The following CACNA1A variants were observed in gnomAD, a reference collection of about 807,000 sequenced individuals.
CACNA1A encodes calcium voltage-gated channel subunit alpha1 A.
CACNA1A carries 57 observed loss-of-function variants against 262.4 expected under a neutral mutation model. The observed-to-expected ratio is 0.22, with a 90% CI of 0.18 to 0.27. The LOEUF (loss-of-function observed/expected upper bound fraction) is 0.27. Ranked by LOEUF, CACNA1A falls within the 10% of genes least tolerant of loss-of-function variation. The pLI is 1.00. For synonymous variants in CACNA1A, 1,431 were observed against 1,419.3 expected (o/e 1.01, Z -0.18); for missense variants, 2,526 against 3,562.8 (o/e 0.71, Z 7.41).
At chr19:13,363,140 C>T (rs536741564) in intron 5 of CACNA1A, 9 of 152,318 alleles carry the variant, frequency 5.9e-5, no homozygotes, top group African/African-American at 2.2e-4. Flanking sequence ...GCACCACCCA[C>T]ATCTGTCCCC....
At chr19:13,349,232 G>A (rs1456118359) in intron 6 of CACNA1A, among the ~76,000 whole-genome samples, 1 of 152,098 alleles carries the variant, frequency 6.6e-6, no homozygotes, top group Non-Finnish European at 1.5e-5. Context: ...CTGTTTTACG[G>A]ATCAAGACAC....
At chr19:13,346,167 G>A (rs149379501) in intron 6 of CACNA1A, among the ~76,000 whole-genome samples, 1,856 of 152,276 alleles carry the variant, frequency 0.012, 31 homozygotes, top group African/African-American at 0.042. Flanking sequence ...CTCCCAAAGT[G>A]CTGGGATTAC....
intron 1 of CACNA1A, among the ~76,000 whole-genome samples, chr19:13,496,067 TCCATCCATCCATCCATCCATCCAC>T (rs985642847): frequency 2.6e-4 from 38 of 147,684 alleles, no homozygotes; most frequent in African/African-American, 8.2e-4. Flanking sequence ...CATCCATCCA[TCCATCCATCCATCCATCCATCCAC>T]CCAGACATCC....
chr19:13,496,073 CAT>C (rs1981487547), intron 1 of CACNA1A, among the ~76,000 whole-genome samples: 4 of 148,190 alleles, frequency 2.7e-5, no homozygotes, highest in Non-Finnish European at 5.9e-5. Context: ...TCCATCCATC[CAT>C]CCATCCATCC....
At chr19:13,258,790 C>T (rs892073048) in intron 27 of CACNA1A, 4 of 151,936 alleles carry the variant, frequency 2.6e-5, no homozygotes, top group East Asian at 1.9e-4. Context: ...ATTACTTGGA[C>T]GAGGTGAGGG....
At chr19:13,393,519 TCCCTCCCTCCTTCCTTCCTC>T (rs2059747767) in intron 3 of CACNA1A, among the ~76,000 whole-genome samples, 2 of 140,636 alleles carry the variant, frequency 1.4e-5, no homozygotes, top group South Asian at 5.1e-4. Context: ...CTTCCTTCCT[TCCCTCCCTCCTTCCTTCCTC>T]GAAGCTGCAG....
chr19:13,282,143 C>T (rs879409013), intron 22 of CACNA1A, among the ~76,000 whole-genome samples: 2 of 152,210 alleles, frequency 1.3e-5, no homozygotes, highest in African/African-American at 2.4e-5. Flanking sequence ...CCTTCCATCT[C>T]CCCCATCAGG....
chr19:13,500,395 C>T (rs549898645), intron 1 of CACNA1A, among the ~76,000 whole-genome samples: 2 of 152,286 alleles, frequency 1.3e-5, no homozygotes, highest in South Asian at 4.1e-4. Flanking sequence ...AAGAGAACCC[C>T]TTCTTTCTCT....
At chr19:13,270,595 T>C (rs895812663) in intron 24 of CACNA1A, among the ~76,000 whole-genome samples, 4 of 152,186 alleles carry the variant, frequency 2.6e-5, no homozygotes, top group Admixed American at 6.5e-5. Context: ...CAAAACTTTT[T>C]AGGGAAAAAA....
At chr19:13,505,772 T>G (rs931324739) in intron 1 of CACNA1A, among the ~76,000 whole-genome samples, 160 bp downstream of exon 1, 2 of 151,176 alleles carry the variant, frequency 1.3e-5, no homozygotes, top group African/African-American at 2.4e-5. Context: ...GTGGAGAGAT[T>G]CTTTCACACT....
At chr19:13,259,417 C>A in intron 27 of CACNA1A, 147 bp downstream of exon 27, 1 of 369,854 alleles carries the variant, frequency 2.7e-6, no homozygotes, top group South Asian at 3.9e-5. Flanking sequence ...AGTGATACAT[C>A]TGCCTTGGCC....
chr19:13,414,797 A>G (rs929639414), intron 3 of CACNA1A, among the ~76,000 whole-genome samples: 11 of 151,862 alleles, frequency 7.2e-5, no homozygotes, highest in African/African-American at 2.4e-4. Flanking sequence ...ATTTCTACCA[A>G]AAGTCCTAAA....
At chr19:13,379,808 C>A (rs1375453333) in intron 3 of CACNA1A, among the ~76,000 whole-genome samples, 7 of 126,730 alleles carry the variant, frequency 5.5e-5, no homozygotes, top group Non-Finnish European at 9.9e-5. Context: ...TCTGTAGTCC[C>A]AGCTACTTGG....
chr19:13,344,938 T>A (rs1487386854), intron 6 of CACNA1A, among the ~76,000 whole-genome samples: 2 of 151,784 alleles, frequency 1.3e-5, no homozygotes, highest in Non-Finnish European at 2.9e-5. Context: ...TGTATTTTTT[T>A]AGTAAAGATG....
intron 3 of CACNA1A, among the ~76,000 whole-genome samples, chr19:13,400,801 G>T (rs554898300): frequency 6.6e-6 from 1 of 152,110 alleles, no homozygotes. Flanking sequence ...GTGCTGTGGC[G>T]GAGAAACTCT....
chr19:13,211,846 T>C, intron 43 of CACNA1A: 1 of 445,282 alleles, frequency 2.2e-6, no homozygotes, highest in Admixed American at 3.6e-5. Flanking sequence ...CCAGAGACCA[T>C]TTTGCAGTGG....
chr19:13,269,865 G>C (rs1247300691), intron 24 of CACNA1A, among the ~76,000 whole-genome samples: 1 of 152,204 alleles, frequency 6.6e-6, no homozygotes, highest in Non-Finnish European at 1.5e-5. Flanking sequence ...TGGGACCACA[G>C]GGATAGTTTT....
At chr19:13,494,405 G>A (rs893816887) in intron 1 of CACNA1A, among the ~76,000 whole-genome samples, 12 of 152,208 alleles carry the variant, frequency 7.9e-5, no homozygotes, top group Non-Finnish European at 1.3e-4. Context: ...TGGAGAAACA[G>A]TGATGCAGGC....
chr19:13,241,829 A>AC lies in CACNA1A; in HGVS notation c.4950+3352_4950+3353insG, dbSNP rs2056089703. On this transcript the variant is annotated intron_variant, in intron 31 of 46. Transcript: ENST00000360228. The surrounding 1 kb of genome is among the most constrained non-coding windows in gnomAD (Gnocchi z 4.0). ...CAGGCATGAAAAGAGACAAGACAAG[A>AC]AACACAGTCATTATCCATTGCACAC... 6.6e-6 allele frequency among the ~76,000 whole-genome samples: 1 copy of AC among 152,204 alleles called. No homozygotes were observed. Among genetic ancestry groups the AC allele is most frequent in the Non-Finnish European group, 1.5e-5 (1 of 68,028 alleles).
Sources: allele counts gnomAD v4.1 joint callset (sites outside exome capture counted in the v4.1 genomes callset), GRCh38; gene constraint gnomAD v4.1.1; non-coding constraint Gnocchi (gnomAD v3.1); transcripts MANE v1.5; gene names NCBI Gene and HGNC (gene_info 2026-07-23, HGNC 2026-07-21).